The following ZFPM2 variants were observed in gnomAD, a reference collection of about 807,000 sequenced individuals.
The protein encoded by ZFPM2 is zinc finger protein ZFPM2.
In ZFPM2, 20 loss-of-function variants were observed where a neutral mutation model predicts 98.6. The ratio of observed to expected loss-of-function variants is 0.20; its 90% CI spans 0.14 to 0.29. The LOEUF (loss-of-function observed/expected upper bound fraction) is 0.29. Among genes scored for constraint, ZFPM2 ranks in the 10% least tolerant of loss-of-function variants. ZFPM2 has a pLI of 1.00. For synonymous variants in ZFPM2, 518 were observed against 502.7 expected, an observed-to-expected ratio of 1.03 and a Z score of -0.41; for missense variants, 1,310 against 1,388.6, an observed-to-expected ratio of 0.94 and a Z score of 0.90.
intron 3 of ZFPM2, among the ~76,000 whole-genome samples, chr8:105,525,054 A>G (rs1022692726): frequency 1.3e-5 from 2 of 152,212 alleles, no homozygotes; most frequent in Non-Finnish European, 2.9e-5. Context: ...TTCTGCAGCA[A>G]TTGACACCAA....
chr8:105,375,628 T>C (rs1426247899), intron 1 of ZFPM2, among the ~76,000 whole-genome samples: 8 of 152,162 alleles, frequency 5.3e-5, no homozygotes, highest in African/African-American at 1.4e-4. Flanking sequence ...GTAGTGAAGA[T>C]AGGAGTCTGT....
chr8:105,476,589 A>G (rs1054194604), intron 3 of ZFPM2, among the ~76,000 whole-genome samples: 1 of 152,088 alleles, frequency 6.6e-6, no homozygotes, highest in Non-Finnish European at 1.5e-5. Flanking sequence ...TTAGTGTCAT[A>G]CGCAATTTTC....
chr8:105,421,453 T>C (rs562370624), intron 2 of ZFPM2, among the ~76,000 whole-genome samples: 1 of 152,224 alleles, frequency 6.6e-6, no homozygotes, highest in African/African-American at 2.4e-5. Context: ...AATAGTAATA[T>C]TACTATTGAT....
rs1814083666 is a variant in ZFPM2 at position 105,802,935 on chromosome 8, C to T, written c.2853C>T (p.Leu951=). 2 of 1,613,224 alleles carry T rather than the reference C, an allele frequency of 1.2e-6. No individual in the cohort carries two copies. Among genetic ancestry groups the T allele is most frequent in the East Asian group, 4.5e-5 (2 of 44,824 alleles). ...GLKVFSEAAQ[L]IATKEENRHL... ...AGGTCTTTAGTGAAGCTGCTCAGCT[C>T]ATTGCTACAAAAGAAGAAAACAGAC... is the stretch of plus-strand genomic sequence containing the variant. The change falls in exon 8 of 8, where the codon CTC becomes CTT. Residue 951 remains leucine, a synonymous_variant. Coordinates refer to ENST00000407775, the MANE Select transcript of ZFPM2 (RefSeq NM_012082.4).
chr8:105,670,530 TACA>T (rs1242989159), intron 5 of ZFPM2, among the ~76,000 whole-genome samples: 1 of 140,548 alleles, frequency 7.1e-6, no homozygotes, highest in African/African-American at 2.6e-5. Context: ...GCTGAAACTA[TACA>T]ACAACATTCT....
chr8:105,467,733 A>G (rs960433246), intron 3 of ZFPM2, among the ~76,000 whole-genome samples: 1 of 152,112 alleles, frequency 6.6e-6, no homozygotes, highest in Non-Finnish European at 1.5e-5. Flanking sequence ...TTAGATACAC[A>G]TACACATACA....
At chr8:105,410,776 TTA>T (rs1332933845) in intron 1 of ZFPM2, among the ~76,000 whole-genome samples, 2 of 151,902 alleles carry the variant, frequency 1.3e-5, no homozygotes, top group Non-Finnish European at 2.9e-5. Flanking sequence ...ATTAATTCAT[TTA>T]TGCCACATAA....
chr8:105,724,997 TG>T (rs1223731791), intron 5 of ZFPM2, among the ~76,000 whole-genome samples: 2 of 151,842 alleles, frequency 1.3e-5, no homozygotes, highest in Non-Finnish European at 2.9e-5. Context: ...AAGAGTCAAC[TG>T]TATATTCTTA....
chr8:105,739,851 C>T (rs993977792), intron 5 of ZFPM2, among the ~76,000 whole-genome samples: 22 of 152,084 alleles, frequency 1.4e-4, no homozygotes, highest in African/African-American at 5.3e-4. Context: ...CAAAGAAAAG[C>T]AATGCCCATA....
At chr8:105,616,708 G>C (rs1816423068) in intron 4 of ZFPM2, 1 of 375,288 alleles carries the variant, frequency 2.7e-6, no homozygotes, top group East Asian at 9.6e-5. Context: ...CAGAGAAGTT[G>C]TCCTACTTGA....
intron 1 of ZFPM2, chr8:105,319,891 C>T (rs1811987543): frequency 6.6e-6 from 1 of 152,166 alleles, no homozygotes. Flanking sequence ...GAGATCAAGT[C>T]GGTCAACTTT....
intron 1 of ZFPM2, among the ~76,000 whole-genome samples, chr8:105,339,023 G>A (rs533551287): frequency 2.8e-4 from 43 of 151,902 alleles, no homozygotes; most frequent in African/African-American, 9.9e-4. Context: ...GGCTTTCTAA[G>A]TGTGAGGGAT....
chr8:105,675,070 C>G (rs1343533261), intron 5 of ZFPM2, among the ~76,000 whole-genome samples: 2 of 152,098 alleles, frequency 1.3e-5, no homozygotes, highest in African/African-American at 4.8e-5. Context: ...GCAGGTAACT[C>G]ATGGGGTAAA....
intron 3 of ZFPM2, among the ~76,000 whole-genome samples, chr8:105,534,878 A>C (rs1268553441): frequency 6.6e-6 from 1 of 152,162 alleles, no homozygotes; most frequent in Admixed American, 6.6e-5. Flanking sequence ...TGCGGAGAAC[A>C]TATTGGGGGG....
intron 4 of ZFPM2, among the ~76,000 whole-genome samples, chr8:105,577,904 C>T (rs1815503289): frequency 6.6e-6 from 1 of 151,884 alleles, no homozygotes; most frequent in Non-Finnish European, 1.5e-5. Flanking sequence ...TGAGAACTGT[C>T]TGTAACCTTA....
At chr8:105,434,877 A>G (rs748392888) in intron 2 of ZFPM2, among the ~76,000 whole-genome samples, 6 of 152,218 alleles carry the variant, frequency 3.9e-5, no homozygotes, top group Admixed American at 1.3e-4. Context: ...CACTGCTGCT[A>G]TTCTGTGCTG....
intron 5 of ZFPM2, among the ~76,000 whole-genome samples, chr8:105,753,639 G>C (rs1287574993): frequency 6.6e-6 from 1 of 152,124 alleles, no homozygotes; most frequent in African/African-American, 2.4e-5. Flanking sequence ...AAAGTTACTT[G>C]ATAAACCCAT....
At chr8:105,693,876 A>C (rs1468359507) in intron 5 of ZFPM2, among the ~76,000 whole-genome samples, 2 of 152,070 alleles carry the variant, frequency 1.3e-5, no homozygotes, top group African/African-American at 4.8e-5. Flanking sequence ...CCATTACTTC[A>C]AACATTTTAT....
chr8:105,528,364 G>A (rs552302710), intron 3 of ZFPM2, among the ~76,000 whole-genome samples: 18 of 152,204 alleles, frequency 1.2e-4, no homozygotes, highest in African/African-American at 3.9e-4. Flanking sequence ...GGAGACTGCC[G>A]TAAGGAAGTT....
Sources: gnomAD v4.1 joint callset for allele counts (sites outside exome capture counted in the v4.1 genomes callset) on GRCh38, gnomAD v4.1.1 for gene constraint, MANE v1.5 for transcripts, NCBI Gene and HGNC (gene_info 2026-07-23, HGNC 2026-07-21) for gene names.